SH3PXD2A: variants seen among roughly 807,000 people sequenced by gnomAD.
SH3PXD2A encodes SH3 and PX domains 2A.
Under a neutral mutation model 115.2 loss-of-function variants are expected in SH3PXD2A, and 32 were observed. The ratio of observed to expected loss-of-function variants is 0.28; its 90% CI spans 0.21 to 0.37. The LOEUF (loss-of-function observed/expected upper bound fraction) is 0.37, where lower values mean the gene tolerates loss of function less well. SH3PXD2A is among the 10% of genes least tolerant of loss of function. SH3PXD2A has a pLI of 1.00. For missense variants in SH3PXD2A, 1,328 were observed against 1,498.7 expected (o/e 0.89, Z 1.88); for synonymous variants, 610 against 629.1 (o/e 0.97, Z 0.45).
chr10:103,674,890 A>G (rs1348914354), intron 6 of SH3PXD2A, among the ~76,000 whole-genome samples: 1 of 152,182 alleles, frequency 6.6e-6, no homozygotes, highest in Non-Finnish European at 1.5e-5. Context: ...ACAAACACCA[A>G]TTAAGATGAC....
chr10:103,737,340 G>A (rs1234175469), intron 3 of SH3PXD2A, among the ~76,000 whole-genome samples: 1 of 152,232 alleles, frequency 6.6e-6, no homozygotes, highest in Non-Finnish European at 1.5e-5. Flanking sequence ...TTGCATGTGA[G>A]CAGACAGGTA....
chr10:103,766,810 T>C lies in SH3PXD2A; in HGVS notation c.229+284A>G, dbSNP rs564885991. ...CCATTCATAGAACTTGGTCTCTCTGTGCTTTTTGTGAAAAGGAAACCAAAG... is the reference window on the plus strand; with the variant it reads ...CCATTCATAGAACTTGGTCTCTCTGCGCTTTTTGTGAAAAGGAAACCAAAG... On this transcript the variant is annotated intron_variant, in intron 3 of 14. Coordinates refer to ENST00000369774, the MANE Select transcript of SH3PXD2A (RefSeq NM_001394015.1). 5.9e-5 allele frequency among the ~76,000 whole-genome samples: 9 copies of C among 152,300 alleles called. No individual in the cohort carries two copies. The South Asian group carries it at 1.7e-3, about 28-fold the overall frequency.
chr10:103,820,386 G>T (rs1208924744), intron 1 of SH3PXD2A, among the ~76,000 whole-genome samples: 2 of 152,188 alleles, frequency 1.3e-5, no homozygotes, highest in Non-Finnish European at 2.9e-5. Flanking sequence ...AAGCTGGCTG[G>T]AGAAGAGTCC....
intron 1 of SH3PXD2A, among the ~76,000 whole-genome samples, chr10:103,830,556 G>A (rs1393784720): frequency 6.6e-6 from 1 of 152,200 alleles, no homozygotes; most frequent in Admixed American, 6.5e-5. Flanking sequence ...TGCAATGTTT[G>A]CAGTAGAGGG....
chr10:103,638,843 G>A (rs766922277), intron 8 of SH3PXD2A, among the ~76,000 whole-genome samples: 46 of 152,240 alleles, frequency 3.0e-4, no homozygotes, highest in Non-Finnish European at 5.6e-4. Context: ...GGCCAGGGAT[G>A]GCCAGGGAAG....
intron 5 of SH3PXD2A, among the ~76,000 whole-genome samples, chr10:103,703,432 C>T (rs541340335): frequency 1.3e-5 from 2 of 152,328 alleles, no homozygotes; most frequent in South Asian, 2.1e-4. Context: ...GCTGCAGACT[C>T]GGTTGTCTGT....
At chr10:103,714,451 C>G (rs536666502) in intron 5 of SH3PXD2A, among the ~76,000 whole-genome samples, 3 of 152,204 alleles carry the variant, frequency 2.0e-5, no homozygotes, top group Non-Finnish European at 2.9e-5. Flanking sequence ...GCCTCCCAGG[C>G]GTGTGCGCTA....
chr10:103,655,053 A>G (rs142256516), intron 8 of SH3PXD2A, among the ~76,000 whole-genome samples: 49 of 152,286 alleles, frequency 3.2e-4, no homozygotes, highest in Non-Finnish European at 6.2e-4. Context: ...TGAAGTGGGT[A>G]ACGGCTGCAC....
intron 4 of SH3PXD2A, among the ~76,000 whole-genome samples, chr10:103,725,057 C>T (rs1363289621): frequency 6.6e-6 from 1 of 152,198 alleles, no homozygotes; most frequent in African/African-American, 2.4e-5. Flanking sequence ...CAACAAAGCA[C>T]TATGATGGAG....
At chr10:103,838,765 C>G (rs1344204501) in intron 1 of SH3PXD2A, among the ~76,000 whole-genome samples, 2 of 152,216 alleles carry the variant, frequency 1.3e-5, no homozygotes, top group African/African-American at 4.8e-5. Context: ...ACGGCGGCAT[C>G]TGGCACTGTG....
intron 6 of SH3PXD2A, chr10:103,678,102 G>T: frequency 7.8e-7 from 1 of 1,287,532 alleles, no homozygotes; most frequent in South Asian, 1.2e-5. Context: ...ACAGTCTCTG[G>T]CAGGATGGAC....
At chr10:103,606,360 C>A (rs2036302618) in intron 13 of SH3PXD2A, among the ~76,000 whole-genome samples, 1 of 144,594 alleles carries the variant, frequency 6.9e-6, no homozygotes, top group Non-Finnish European at 1.5e-5. Context: ...CAGGCACACA[C>A]CACCACACCT....
At chr10:103,827,593 A>G (rs1376577486) in intron 1 of SH3PXD2A, among the ~76,000 whole-genome samples, 2 of 152,178 alleles carry the variant, frequency 1.3e-5, no homozygotes, top group East Asian at 3.9e-4. Flanking sequence ...TACATAGCAC[A>G]CCGCCTGGCA....
At chr10:103,854,491 G>A (rs920450500) in intron 1 of SH3PXD2A, among the ~76,000 whole-genome samples, 11 of 152,286 alleles carry the variant, frequency 7.2e-5, no homozygotes, top group African/African-American at 2.2e-4. Flanking sequence ...GAGGAAGGGG[G>A]AGGGGCGGTT....
chr10:103,718,188 CTTTTTTT>C (rs201212918), intron 5 of SH3PXD2A, among the ~76,000 whole-genome samples: 1 of 150,926 alleles, frequency 6.6e-6, no homozygotes, highest in Non-Finnish European at 1.5e-5. Context: ...TTTCTTTTTT[CTTTTTTT>C]TGTAGAGATG....
rs569772352 is a variant in SH3PXD2A, at chr10:103,812,065, G to T, written c.73-10703C>A. ...CCAATAAGTGCTGGGCCTGGCAAGA[G>T]CCCACTTTGCAATCACAGAGTTCTG... is the stretch of plus-strand genomic sequence containing the variant. On this transcript the variant is annotated intron_variant, in intron 1 of 14. Transcript: ENST00000369774. 9.2e-5 allele frequency among the ~76,000 whole-genome samples: 14 copies of T among 152,350 alleles called. No individual in the cohort carries two copies. The South Asian group carries it at 1.9e-3, about 20-fold the overall frequency.
intron 8 of SH3PXD2A, among the ~76,000 whole-genome samples, chr10:103,630,709 C>T (rs1344649772): frequency 6.8e-6 from 1 of 146,138 alleles, no homozygotes; most frequent in Non-Finnish European, 1.5e-5. Context: ...GCCAGTTCAG[C>T]CTGGACAACA....
At chr10:103,748,070 G>A (rs1268903447) in intron 3 of SH3PXD2A, among the ~76,000 whole-genome samples, 1 of 152,186 alleles carries the variant, frequency 6.6e-6, no homozygotes, top group East Asian at 1.9e-4. Context: ...CAAGGATGGT[G>A]ACAGTAACAT....
At chr10:103,676,518 G>A (rs1021787157) in intron 6 of SH3PXD2A, among the ~76,000 whole-genome samples, 1 of 152,148 alleles carries the variant, frequency 6.6e-6, no homozygotes, top group Non-Finnish European at 1.5e-5. Context: ...TAGGAGCACT[G>A]AGGCTGCCTA....
Sources: allele counts gnomAD v4.1 joint callset (sites outside exome capture counted in the v4.1 genomes callset), GRCh38; gene constraint gnomAD v4.1.1; transcripts MANE v1.5; gene names NCBI Gene and HGNC (gene_info 2026-07-23, HGNC 2026-07-21).